The following PDE1C variants were observed in gnomAD, a reference collection of about 807,000 sequenced individuals.
The protein encoded by PDE1C is phosphodiesterase 1C.
A neutral mutation model predicts 93.1 loss-of-function variants in PDE1C; 62 were observed. That is an observed-to-expected ratio of 0.67 (90% CI 0.54 to 0.82). PDE1C has a LOEUF of 0.82. Ranked by LOEUF, PDE1C falls within the 40% of genes least tolerant of loss-of-function variation. The pLI is 0.00. For missense variants in PDE1C, 742 were observed against 884.6 expected (o/e 0.84, Z 2.04); for synonymous variants, 325 against 310.1 (o/e 1.05, Z -0.50).
At chr7:31,624,747 G>A in the PDE1C span, among the ~76,000 whole-genome samples, 1 of 151,578 alleles carries the variant, frequency 6.6e-6, no homozygotes, top group African/African-American at 2.4e-5. Context: ...AAAAGCAATG[G>A]CAACAAAAGC....
chr7:32,368,462 C>G (rs1263881861), intron 1 of PDE1C, among the ~76,000 whole-genome samples: 1 of 151,868 alleles, frequency 6.6e-6, no homozygotes, highest in Admixed American at 6.6e-5. Context: ...TGAAAGACTT[C>G]TACAAGAAAA....
At chr7:32,206,063 T>G (rs1437323644) in intron 2 of PDE1C, among the ~76,000 whole-genome samples, 1 of 152,082 alleles carries the variant, frequency 6.6e-6, no homozygotes, top group African/African-American at 2.4e-5. Flanking sequence ...GAAAATGTGT[T>G]TTTAGAGGGG....
chr7:31,694,387 A>AACACACAC, the PDE1C span, among the ~76,000 whole-genome samples: 3,812 of 141,656 alleles, frequency 0.027, 121 homozygotes, highest in African/African-American at 0.072. Flanking sequence ...CTCTCTCTCA[A>AACACACAC]ACACACACAC....
At chr7:31,916,139 T>C (rs1476009799) in intron 2 of PDE1C, among the ~76,000 whole-genome samples, 3 of 152,106 alleles carry the variant, frequency 2.0e-5, no homozygotes, top group African/African-American at 7.2e-5. Flanking sequence ...TTTGCCATTT[T>C]CTCAAATGCC....
chr7:31,622,727 A>C, the PDE1C span, among the ~76,000 whole-genome samples: 2 of 152,186 alleles, frequency 1.3e-5, no homozygotes, highest in African/African-American at 2.4e-5. Context: ...CACATTCAAA[A>C]GCTAACAGAA....
At chr7:31,644,079 A>G in the PDE1C span, 1 of 820,628 alleles carries the variant, frequency 1.2e-6, no homozygotes, top group Admixed American at 2.9e-5. Flanking sequence ...TAAATCATGA[A>G]TAACATTTGT....
intron 1 of PDE1C, among the ~76,000 whole-genome samples, chr7:32,382,101 T>TG (rs143805105): frequency 0.061 from 9,213 of 152,264 alleles, 309 homozygotes; most frequent in Non-Finnish European, 0.073. Context: ...ATCTCACATC[T>TG]GGTAGATGGC....
At chr7:32,112,595 T>C (rs1170602653) in intron 3 of PDE1C, among the ~76,000 whole-genome samples, 1 of 149,198 alleles carries the variant, frequency 6.7e-6, no homozygotes, top group Non-Finnish European at 1.5e-5. Flanking sequence ...TACCTAGGAC[T>C]ATAGACACAT....
intron 2 of PDE1C, among the ~76,000 whole-genome samples, chr7:32,008,790 A>G (rs1274041350): frequency 2.0e-5 from 3 of 152,234 alleles, no homozygotes; most frequent in Non-Finnish European, 4.4e-5. Context: ...ATGTTTCAGC[A>G]TCAAATAGAT....
At chr7:31,935,718 T>C (rs1227691392) in intron 2 of PDE1C, among the ~76,000 whole-genome samples, 2 of 152,120 alleles carry the variant, frequency 1.3e-5, no homozygotes, top group Admixed American at 6.6e-5. Context: ...TTAGGATGCA[T>C]GTGCTAAGAG....
chr7:32,174,432 C>A (rs1179324208), intron 2 of PDE1C, among the ~76,000 whole-genome samples: 1 of 152,114 alleles, frequency 6.6e-6, no homozygotes, highest in Non-Finnish European at 1.5e-5. Flanking sequence ...AGCTCACCCA[C>A]TCTGCCTCGG....
At chr7:31,882,060 A>G (rs1015561267) in intron 2 of PDE1C, among the ~76,000 whole-genome samples, 1 of 152,222 alleles carries the variant, frequency 6.6e-6, no homozygotes, top group Admixed American at 6.5e-5. Context: ...GATTTGCATG[A>G]AAATGACCCA....
intron 3 of PDE1C, among the ~76,000 whole-genome samples, chr7:32,105,112 C>T (rs925228424): frequency 6.6e-6 from 1 of 152,086 alleles, no homozygotes; most frequent in African/African-American, 2.4e-5. Context: ...TTGCATTGAC[C>T]AACGGGATAG....
At chr7:32,114,409 G>C (rs193147474) in intron 3 of PDE1C, among the ~76,000 whole-genome samples, 1 of 151,684 alleles carries the variant, frequency 6.6e-6, no homozygotes, top group Admixed American at 6.5e-5. Flanking sequence ...TAGGAAAACT[G>C]CCCAGCCATA....
At chr7:31,894,645 C>T (rs1426627211) in intron 2 of PDE1C, among the ~76,000 whole-genome samples, 1 of 152,190 alleles carries the variant, frequency 6.6e-6, no homozygotes, top group Non-Finnish European at 1.5e-5. Flanking sequence ...CCATTGGAAT[C>T]AGAGGTGAAA....
chr7:31,976,032 G>A (rs956219049), intron 2 of PDE1C, among the ~76,000 whole-genome samples: 4 of 152,326 alleles, frequency 2.6e-5, no homozygotes, highest in East Asian at 3.9e-4. Flanking sequence ...ATCAGGCCAT[G>A]AGCCATCAAG....
intron 6 of PDE1C, among the ~76,000 whole-genome samples, chr7:31,865,413 T>C (rs1247958476): frequency 6.6e-6 from 1 of 152,192 alleles, no homozygotes; most frequent in Non-Finnish European, 1.5e-5. Context: ...AACTGAGTTG[T>C]TGGTGACTAT....
At chr7:31,977,704 A>G (rs1301048089) in intron 2 of PDE1C, among the ~76,000 whole-genome samples, 1 of 152,182 alleles carries the variant, frequency 6.6e-6, no homozygotes, top group Non-Finnish European at 1.5e-5. Flanking sequence ...TTGTACACTA[A>G]AACATGTGCT....
chr7:32,380,598 G>A (rs1303618653), intron 1 of PDE1C, among the ~76,000 whole-genome samples: 1 of 151,792 alleles, frequency 6.6e-6, no homozygotes, highest in African/African-American at 2.4e-5. Context: ...CCACTCCACT[G>A]GGCTGCCATT....
Sources: gnomAD v4.1 joint callset for allele counts (sites outside exome capture counted in the v4.1 genomes callset) on GRCh38, gnomAD v4.1.1 for gene constraint, MANE v1.5 for transcripts, NCBI Gene and HGNC (gene_info 2026-07-23, HGNC 2026-07-21) for gene names.